The following TAF4B variants were observed in gnomAD, a reference collection of about 807,000 sequenced individuals.
TAF4B encodes the protein transcription initiation factor TFIID subunit 4B.
TAF4B carries 38 observed loss-of-function variants against 86.4 expected under a neutral mutation model. The observed-to-expected ratio is 0.44, with a 90% CI of 0.34 to 0.58. TAF4B has a LOEUF of 0.58. Among genes scored for constraint, TAF4B ranks in the 20% least tolerant of loss-of-function variants. The pLI is 0.02. For missense variants in TAF4B, 988 were observed against 1,027.6 expected (o/e 0.96, Z 0.53); for synonymous variants, 388 against 391.2 (o/e 0.99, Z 0.10).
chr18:26,260,751 A>C (rs2056153301), intron 1 of TAF4B, among the ~76,000 whole-genome samples: 1 of 152,088 alleles, frequency 6.6e-6, no homozygotes, highest in Admixed American at 6.6e-5. Context: ...TCTCTTGTGA[A>C]TTTGTTACTG....
At chr18:26,304,171 T>TG (rs2056770670) in intron 9 of TAF4B, among the ~76,000 whole-genome samples, 1 of 149,982 alleles carries the variant, frequency 6.7e-6, no homozygotes, top group Admixed American at 6.6e-5. Flanking sequence ...GTCGACTGTT[T>TG]TTTTTTTTTT....
intron 2 of TAF4B, chr18:26,266,769 G>A (rs138657874): frequency 0.015 from 2,212 of 152,354 alleles, 42 homozygotes; most frequent in African/African-American, 0.051. Context: ...GGCTGAGGCA[G>A]GAGAATGGCA....
At chr18:26,358,438 A>T (rs536283198) in intron 14 of TAF4B, among the ~76,000 whole-genome samples, 4 of 152,184 alleles carry the variant, frequency 2.6e-5, no homozygotes, top group South Asian at 2.1e-4. Context: ...GGGCCGGGCG[A>T]GGTGGCTCAC....
At chr18:26,239,129 G>T (rs2055796294) in intron 1 of TAF4B, among the ~76,000 whole-genome samples, 1 of 152,126 alleles carries the variant, frequency 6.6e-6, no homozygotes. Flanking sequence ...TGGGTCAAAT[G>T]GTATTTCTAG....
intron 13 of TAF4B, 32 bp from the exon 14 acceptor site, chr18:26,357,658 A>T: frequency 6.7e-7 from 1 of 1,489,674 alleles, no homozygotes; most frequent in Non-Finnish European, 9.3e-7. Flanking sequence ...GAATGTGTAT[A>T]AACATTGATA....
intron 13 of TAF4B, among the ~76,000 whole-genome samples, chr18:26,351,274 T>C (rs1428508891): frequency 6.6e-6 from 1 of 152,102 alleles, no homozygotes; most frequent in East Asian, 1.9e-4. Context: ...AAAAAAAAAG[T>C]TAAACACTGT....
chr18:26,327,637 C>A (rs895060703), intron 12 of TAF4B, among the ~76,000 whole-genome samples: 1 of 152,200 alleles, frequency 6.6e-6, no homozygotes. Context: ...GTGGCATGAT[C>A]TCGGCTTACT....
In TAF4B at chr18:26,258,088, T is replaced by A. The variant is rs138908318; in HGVS notation, c.344-7082T>A. 8.3e-3 allele frequency among the ~76,000 whole-genome samples: 1,260 copies of A among 152,192 alleles called. 5 individuals are homozygous for A. The highest frequency in any genetic ancestry group is 0.015 in the Admixed American group (232 of 15,260). ...GGCCAACATGGTGAAACACCGTCTCTACTAAAAATACAAAAATTAGCTGGG... is the reference window on the plus strand; with the variant it reads ...GGCCAACATGGTGAAACACCGTCTCAACTAAAAATACAAAAATTAGCTGGG... On this transcript the variant is annotated intron_variant, in intron 1 of 14. Transcript: ENST00000269142.
chr18:26,249,957 A>G (rs1262927080), intron 1 of TAF4B, among the ~76,000 whole-genome samples: 1 of 152,144 alleles, frequency 6.6e-6, no homozygotes, highest in Non-Finnish European at 1.5e-5. Flanking sequence ...CTCTGGCTTT[A>G]TGTGATCCAC....
intron 5 of TAF4B, among the ~76,000 whole-genome samples, chr18:26,278,303 T>A (rs1028648211): frequency 5.9e-5 from 9 of 152,132 alleles, no homozygotes; most frequent in East Asian, 1.9e-4. Context: ...GGGTCTATTT[T>A]TTTTTATTTT....
intron 9 of TAF4B, among the ~76,000 whole-genome samples, chr18:26,301,197 G>T (rs1415320336): frequency 1.3e-5 from 2 of 151,706 alleles, no homozygotes; most frequent in African/African-American, 4.8e-5. Context: ...ATGGATTATT[G>T]TCCTGTGGTA....
At chr18:26,256,057 GT>G in intron 1 of TAF4B, 1 of 1,324,262 alleles carries the variant, frequency 7.6e-7, no homozygotes, top group Non-Finnish European at 1.1e-6. Flanking sequence ...TCTTTATCTT[GT>G]TCCCAGATAG....
chr18:26,371,939 G>T (rs2057408597), intron 14 of TAF4B, among the ~76,000 whole-genome samples: 1 of 152,154 alleles, frequency 6.6e-6, no homozygotes, highest in Admixed American at 6.5e-5. Flanking sequence ...CACTGGGGAA[G>T]GGGAAATAAT....
In TAF4B at chr18:26,391,313, C is replaced by G. The variant is rs1457284076; in HGVS notation, c.*1301C>G. The G allele has an allele frequency of 6.7e-6, 1 of 149,350 alleles. No homozygotes were observed. The highest frequency in any genetic ancestry group is 1.5e-5 in the Non-Finnish European group (1 of 67,620). 9.3% of individuals were successfully genotyped at this position (149,350 alleles called of 1,614,324 possible). A position where few individuals can be genotyped will look rare whatever the true frequency, so the allele number is the denominator to read the frequency against. ...ACAGAAAAAAAATGATTGAATCCTC[C>G]AAGAAGGTATTTCAAAAATGGGAAA... is the stretch of plus-strand genomic sequence containing the variant. On this transcript the variant is annotated 3_prime_UTR_variant, in exon 15 of 15. Coordinates refer to ENST00000269142, the MANE Select transcript of TAF4B (RefSeq NM_005640.3).
chr18:26,284,910 C>T (rs1323116223), intron 6 of TAF4B, among the ~76,000 whole-genome samples: 3 of 152,058 alleles, frequency 2.0e-5, no homozygotes, highest in Non-Finnish European at 4.4e-5. Context: ...TCTTTCAGAT[C>T]GTAAAATTCA....
intron 1 of TAF4B, among the ~76,000 whole-genome samples, chr18:26,242,427 C>G (rs1157061814): frequency 6.6e-6 from 1 of 151,830 alleles, no homozygotes; most frequent in African/African-American, 2.4e-5. Flanking sequence ...TTTCGTTTTC[C>G]ATTTGCTTGG....
rs1337547716 is a variant in TAF4B, at chr18:26,331,998, C to G, written c.2260-3177C>G. Among the ~76,000 whole-genome samples the G allele has an allele frequency of 2.0e-5, 3 of 152,198 alleles. No homozygotes were observed. In the East Asian group the frequency reaches 5.8e-4, roughly 29 times the overall value. ...CTCTCTGAGCTTGCCTTGTCAACTA[C>G]TCGCTCCAGGCACACTGACCTTTCT... On this transcript the variant is annotated intron_variant, in intron 12 of 14. Transcript: ENST00000269142.
chr18:26,319,809 C>G (rs921218211), intron 10 of TAF4B, among the ~76,000 whole-genome samples: 2 of 152,050 alleles, frequency 1.3e-5, no homozygotes, highest in Non-Finnish European at 2.9e-5. Context: ...AGGCTGGTCT[C>G]GAACTCCTGA....
intron 13 of TAF4B, among the ~76,000 whole-genome samples, chr18:26,344,248 T>C (rs1016073086): frequency 1.3e-5 from 2 of 151,836 alleles, no homozygotes; most frequent in Non-Finnish European, 2.9e-5. Flanking sequence ...GAAAACTATA[T>C]AGATGTAGAA....
Sources: allele counts gnomAD v4.1 joint callset (sites outside exome capture counted in the v4.1 genomes callset), GRCh38; gene constraint gnomAD v4.1.1; transcripts MANE v1.5; gene names NCBI Gene and HGNC (gene_info 2026-07-23, HGNC 2026-07-21).